PRKD1: variants seen among roughly 807,000 people sequenced by gnomAD.
The protein encoded by PRKD1 is serine/threonine-protein kinase D1.
A neutral mutation model predicts 95.9 loss-of-function variants in PRKD1; 63 were observed. That is an observed-to-expected ratio of 0.66 (90% confidence interval 0.54 to 0.81). The LOEUF (loss-of-function observed/expected upper bound fraction) is 0.81. PRKD1 is among the 30% of genes least tolerant of loss of function. The pLI is 0.00. For missense variants in PRKD1, 1,048 were observed against 1,165.3 expected (o/e 0.90, Z 1.47); for synonymous variants, 425 against 423.1 (o/e 1.00, Z -0.05).
At chr14:29,903,487 G>A (rs1013713224) in intron 1 of PRKD1, among the ~76,000 whole-genome samples, 7 of 152,116 alleles carry the variant, frequency 4.6e-5, no homozygotes, top group African/African-American at 1.7e-4. Flanking sequence ...TCTCTTTGTT[G>A]TCAGTTAAAT....
intron 16 of PRKD1, among the ~76,000 whole-genome samples, chr14:29,595,575 T>G (rs1893269306): frequency 1.3e-5 from 2 of 152,214 alleles, no homozygotes; most frequent in African/African-American, 4.8e-5. Flanking sequence ...AGTCCTCCGG[T>G]GTCTATTACT....
At chr14:29,588,149 G>A (rs1027246283) in intron 16 of PRKD1, among the ~76,000 whole-genome samples, 2 of 151,984 alleles carry the variant, frequency 1.3e-5, no homozygotes, top group African/African-American at 2.4e-5. Flanking sequence ...CTTTTGTTTC[G>A]CGTACCATTG....
At chr14:29,649,432 AT>A (rs60947711) in intron 4 of PRKD1, among the ~76,000 whole-genome samples, 10,236 of 136,998 alleles carry the variant, frequency 0.075, 453 homozygotes, top group Middle Eastern at 0.13. Context: ...AGTTTTTCTA[AT>A]TTTTTTTTTT....
At chr14:29,658,930 A>G (rs956715398) in intron 4 of PRKD1, among the ~76,000 whole-genome samples, 1 of 152,220 alleles carries the variant, frequency 6.6e-6, no homozygotes, top group African/African-American at 2.4e-5. Flanking sequence ...CTTTTCTCAC[A>G]TGACCTGTGT....
chr14:29,721,559 GT>G (rs1885897686), intron 2 of PRKD1, among the ~76,000 whole-genome samples: 1 of 152,058 alleles, frequency 6.6e-6, no homozygotes, highest in Non-Finnish European at 1.5e-5. Context: ...TTACTAATTT[GT>G]TTGCTAAGGC....
At chr14:29,681,206 A>G (rs997100166) in intron 2 of PRKD1, among the ~76,000 whole-genome samples, 1 of 152,196 alleles carries the variant, frequency 6.6e-6, no homozygotes, top group Non-Finnish European at 1.5e-5. Flanking sequence ...TAAAATAGAC[A>G]AGCACTGTTT....
chr14:29,643,229 A>T (rs1489545475), intron 4 of PRKD1, among the ~76,000 whole-genome samples: 1 of 152,016 alleles, frequency 6.6e-6, no homozygotes, highest in East Asian at 1.9e-4. Flanking sequence ...GATTTGGCAA[A>T]TTATATATGA....
chr14:29,723,489 A>C (rs541924425), intron 2 of PRKD1, among the ~76,000 whole-genome samples: 1 of 152,280 alleles, frequency 6.6e-6, no homozygotes, highest in South Asian at 2.1e-4. Flanking sequence ...AAGAGATAAG[A>C]GATATGGGTA....
chr14:29,901,607 ATT>A (rs150604455), intron 1 of PRKD1, among the ~76,000 whole-genome samples: 2,726 of 152,316 alleles, frequency 0.018, 92 homozygotes, highest in African/African-American at 0.062. Context: ...TAGTTCATTA[ATT>A]TTTGAGTCTT....
intron 2 of PRKD1, among the ~76,000 whole-genome samples, chr14:29,678,811 A>G (rs1188208947): frequency 1.3e-5 from 2 of 152,258 alleles, no homozygotes; most frequent in Non-Finnish European, 2.9e-5. Context: ...TAAATTAATA[A>G]ACCGTGATTA....
chr14:29,604,551 G>C lies in PRKD1; in HGVS notation c.1906-4734C>G, dbSNP rs186601781. 9.9e-5 allele frequency among the ~76,000 whole-genome samples: 15 copies of C among 152,228 alleles called. No individual in the cohort carries two copies. In the East Asian group the frequency reaches 2.9e-3, roughly 30 times the overall value. ...TATTCCATCACACAATGGAATGGGT[G>C]GGGGGCATGAGGTACAGTACTGCAG... On this transcript the variant is annotated intron_variant, in intron 13 of 17. Transcript: ENST00000331968.
chr14:29,802,030 A>G (rs1419149280), intron 1 of PRKD1, among the ~76,000 whole-genome samples: 1 of 152,202 alleles, frequency 6.6e-6, no homozygotes, highest in Non-Finnish European at 1.5e-5. Context: ...ACATTAATAC[A>G]TTCCTGGCAA....
chr14:29,626,679 A>G, intron 11 of PRKD1, 123 bp from the exon 12 acceptor site: 1 of 430,980 alleles, frequency 2.3e-6, no homozygotes, highest in Non-Finnish European at 3.6e-6. Context: ...TATAAATGCT[A>G]GATGAAATCT....
At chr14:29,843,326 C>T (rs574365102) in intron 1 of PRKD1, among the ~76,000 whole-genome samples, 1 of 152,260 alleles carries the variant, frequency 6.6e-6, no homozygotes, top group East Asian at 1.9e-4. Flanking sequence ...GCTCCAGGAG[C>T]ATGAGAAAAT....
chr14:29,774,025 T>A (rs1301250816), intron 1 of PRKD1, among the ~76,000 whole-genome samples: 1 of 152,216 alleles, frequency 6.6e-6, no homozygotes, highest in Non-Finnish European at 1.5e-5. Flanking sequence ...AAAAGATCAG[T>A]TGAGCTACAG....
chr14:29,595,931 G>A (rs1893283228), intron 16 of PRKD1, among the ~76,000 whole-genome samples: 1 of 152,344 alleles, frequency 6.6e-6, no homozygotes, highest in African/African-American at 2.4e-5. Flanking sequence ...TGGTCACAAG[G>A]TTATTTGATA....
chr14:29,907,816 A>G (rs1894545081), intron 1 of PRKD1, among the ~76,000 whole-genome samples: 1 of 152,102 alleles, frequency 6.6e-6, no homozygotes, highest in African/African-American at 2.4e-5. Context: ...TAAGAATAAA[A>G]TGGAGTTTTT....
intron 1 of PRKD1, among the ~76,000 whole-genome samples, chr14:29,793,525 G>A (rs536809290): frequency 6.6e-6 from 1 of 152,234 alleles, no homozygotes; most frequent in Admixed American, 6.5e-5. Flanking sequence ...TGTTCTGTGG[G>A]AAGAGGTATA....
At chr14:29,714,032 T>G (rs1463408189) in intron 2 of PRKD1, among the ~76,000 whole-genome samples, 2 of 152,162 alleles carry the variant, frequency 1.3e-5, no homozygotes, top group Non-Finnish European at 2.9e-5. Flanking sequence ...TTGGGAATTA[T>G]GCCAAATACA....
Sources: gnomAD v4.1 joint callset for allele counts (sites outside exome capture counted in the v4.1 genomes callset) on GRCh38, gnomAD v4.1.1 for gene constraint, MANE v1.5 for transcripts, NCBI Gene and HGNC (gene_info 2026-07-23, HGNC 2026-07-21) for gene names.